The following PDE1C variants were observed in gnomAD, a reference collection of about 807,000 sequenced individuals.
PDE1C encodes the protein phosphodiesterase 1C, also known as dual specificity calcium/calmodulin-dependent 3',5'-cyclic nucleotide phosphodiesterase 1C.
In PDE1C, 62 loss-of-function variants were observed where a neutral mutation model predicts 93.1. The ratio of observed to expected loss-of-function variants is 0.67; its 90% CI spans 0.54 to 0.82. PDE1C has a LOEUF of 0.82. Among genes scored for constraint, PDE1C ranks in the 40% least tolerant of loss-of-function variants. The pLI is 0.00. For missense variants in PDE1C, 742 were observed against 884.6 expected, an observed-to-expected ratio of 0.84 and a Z score of 2.04; for synonymous variants, 325 against 310.1, an observed-to-expected ratio of 1.05 and a Z score of -0.50.
chr7:32,119,586 G>C (rs147088392), intron 3 of PDE1C, among the ~76,000 whole-genome samples: 749 of 152,312 alleles, frequency 4.9e-3, no homozygotes, highest in African/African-American at 0.017. Context: ...AGCAAGCAAG[G>C]TATCCAGATT....
chr7:31,742,697 G>T, the PDE1C span, among the ~76,000 whole-genome samples: 1 of 152,172 alleles, frequency 6.6e-6, no homozygotes, highest in Non-Finnish European at 1.5e-5. Context: ...TAGTTGAGGG[G>T]GAGGACAGGT....
chr7:31,975,905 G>A (rs560137588), intron 2 of PDE1C, among the ~76,000 whole-genome samples: 16 of 152,216 alleles, frequency 1.1e-4, no homozygotes, highest in East Asian at 1.9e-4. Flanking sequence ...ACATTTAACC[G>A]AAAAGTGACC....
At chr7:31,860,466 A>G (rs530365021) in intron 7 of PDE1C, among the ~76,000 whole-genome samples, 2 of 152,340 alleles carry the variant, frequency 1.3e-5, no homozygotes, top group South Asian at 2.1e-4. Context: ...TTAAAACTGT[A>G]TAAGTTTATA....
intron 3 of PDE1C, among the ~76,000 whole-genome samples, chr7:32,146,651 C>T (rs1009338287): frequency 9.2e-5 from 14 of 152,134 alleles, no homozygotes; most frequent in African/African-American, 3.4e-4. Context: ...GGAACACACT[C>T]ACAAGTTCCA....
chr7:32,273,028 T>TG (rs1811063330), intron 1 of PDE1C, among the ~76,000 whole-genome samples: 1 of 152,238 alleles, frequency 6.6e-6, no homozygotes, highest in African/African-American at 2.4e-5. Context: ...TCTATAGCAC[T>TG]GGCTTTGAAA....
the PDE1C span, among the ~76,000 whole-genome samples, chr7:31,732,548 C>T: frequency 1.3e-5 from 2 of 152,050 alleles, no homozygotes; most frequent in Admixed American, 1.3e-4. Context: ...GCATACCTGG[C>T]CTACCCTTTG....
At chr7:32,104,574 C>T (rs994702926) in intron 3 of PDE1C, among the ~76,000 whole-genome samples, 1 of 151,974 alleles carries the variant, frequency 6.6e-6, no homozygotes, top group Non-Finnish European at 1.5e-5. Context: ...TTTTTGGGTC[C>T]CATGTCAAAA....
At chr7:31,826,539 C>T (rs920669405) in intron 12 of PDE1C, among the ~76,000 whole-genome samples, 6 of 152,114 alleles carry the variant, frequency 3.9e-5, no homozygotes, top group African/African-American at 1.2e-4. Flanking sequence ...CAAACCAGAA[C>T]TAACTCATAA....
In PDE1C at chr7:32,274,373, T is replaced by C. The variant is rs1404445796; in HGVS notation, c.85+24278A>G. ...CAGGTGTGCACCAGCATGTCTGGCC[T>C]TTTTTTTTTTTTTTCTTAAGAAATA... On this transcript the variant is annotated intron_variant, in intron 1 of 18. Coordinates refer to the PDE1C transcript ENST00000396193. Among the ~76,000 whole-genome samples the C allele has an allele frequency of 3.8e-5, 3 of 78,818 alleles. No individual in the cohort carries two copies. The East Asian group carries it at 2.0e-3, about 52-fold the overall frequency. 51.7% of individuals were successfully genotyped at this position (78,818 alleles called of 152,430 possible). A position where few individuals can be genotyped will look rare whatever the true frequency, so the allele number is the denominator to read the frequency against.
At chr7:32,313,346 A>G (rs370158991) in intron 1 of PDE1C, among the ~76,000 whole-genome samples, 5,494 of 141,536 alleles carry the variant, frequency 0.039, 175 homozygotes, top group East Asian at 0.068. Flanking sequence ...TCAGTGTGGC[A>G]ATTCCTCAGG....
chr7:31,741,209 T>A, the PDE1C span, among the ~76,000 whole-genome samples: 1 of 152,222 alleles, frequency 6.6e-6, no homozygotes, highest in Non-Finnish European at 1.5e-5. Context: ...TTTTTCTTTA[T>A]ATTTTATCTT....
chr7:32,198,853 C>T lies in PDE1C; in HGVS notation c.136+10636G>A, dbSNP rs548431011. Among the ~76,000 whole-genome samples, 27 of 152,288 alleles carry T rather than the reference C, an allele frequency of 1.8e-4. No individual in the cohort carries two copies. The East Asian group carries it at 4.8e-3, about 27-fold the overall frequency. On this transcript the variant is annotated intron_variant, in intron 2 of 18. Coordinates refer to the PDE1C transcript ENST00000396193. ...AGAAACTCAGCCGGGCGCAGTGGTTCATGCCTATAACCCAGCACTTTGGGA... is the reference window on the plus strand; with the variant it reads ...AGAAACTCAGCCGGGCGCAGTGGTTTATGCCTATAACCCAGCACTTTGGGA...
rs73305806 is a variant in PDE1C, at chr7:32,395,369, C to A, written c.310+32453G>T. ...GTTTACAGAGAAAAGTAAAAGATTT[C>A]CAGAAAGATGAGGGGGGCAAGAAAC... On this transcript the variant is annotated intron_variant, in intron 1 of 1. Coordinates refer to the PDE1C transcript ENST00000672256. Among the ~76,000 whole-genome samples, 1,289 of 152,026 alleles carry A rather than the reference C, an allele frequency of 8.5e-3. 14 individuals carry two copies. The highest frequency in any genetic ancestry group is 0.029 in the African/African-American group (1,189 of 41,464).
At chr7:32,052,240 G>T (rs1356141016) in intron 1 of PDE1C, 1 of 460,802 alleles carries the variant, frequency 2.2e-6, no homozygotes, top group Non-Finnish European at 4.4e-6. Context: ...CCAGGAAGCA[G>T]AAGAGACCCA....
At chr7:31,650,341 C>G in the PDE1C span, among the ~76,000 whole-genome samples, 2 of 152,194 alleles carry the variant, frequency 1.3e-5, no homozygotes, top group South Asian at 4.2e-4. Flanking sequence ...AGGGACACAG[C>G]CTTGTGCTGC....
chr7:31,837,787 TGCTCTTTAAAGGGATA>T, intron 10 of PDE1C, 67 bp downstream of exon 10: 1 of 835,128 alleles, frequency 1.2e-6, no homozygotes, highest in South Asian at 1.4e-5. Flanking sequence ...TTAAAGGAGA[TGCTCTTTAAAGGGATA>T]GCCACATAGA....
At chr7:32,136,644 C>A (rs1800228300) in intron 3 of PDE1C, among the ~76,000 whole-genome samples, 2 of 152,158 alleles carry the variant, frequency 1.3e-5, no homozygotes, top group African/African-American at 4.8e-5. Flanking sequence ...AGGACTATTT[C>A]TAATGCATAT....
intron 6 of PDE1C, among the ~76,000 whole-genome samples, chr7:31,869,794 C>T (rs547554559): frequency 6.6e-6 from 1 of 152,162 alleles, no homozygotes. Context: ...AACATTTTAT[C>T]CAACAGCTAC....
intron 2 of PDE1C, among the ~76,000 whole-genome samples, chr7:31,977,136 T>C (rs1811769913): frequency 6.6e-6 from 1 of 152,204 alleles, no homozygotes; most frequent in Non-Finnish European, 1.5e-5. Context: ...GTTGGAACAA[T>C]CCTCAAATTC....
Sources: allele counts gnomAD v4.1 joint callset (sites outside exome capture counted in the v4.1 genomes callset), GRCh38; gene constraint gnomAD v4.1.1; transcripts MANE v1.5; gene names NCBI Gene and HGNC (gene_info 2026-07-23, HGNC 2026-07-21).